The following CST7 variants were observed in gnomAD, a reference collection of about 807,000 sequenced individuals.
The protein encoded by CST7 is cystatin F.
CST7 carries 15 observed loss-of-function variants against 13.1 expected under a neutral mutation model. That is an observed-to-expected ratio of 1.14 (90% CI 0.77 to 1.76). CST7 has a LOEUF of 1.76. Ranked by LOEUF, CST7 falls within the 40% of genes most tolerant of loss-of-function variation. The pLI is 0.00. For synonymous variants in CST7, 75 were observed against 66.9 expected, an observed-to-expected ratio of 1.12 and a Z score of -0.59; for missense variants, 193 against 178.8, an observed-to-expected ratio of 1.08 and a Z score of -0.45.
At chr20:24,949,765 G>A (rs944870569) in intron 1 of CST7, among the ~76,000 whole-genome samples, 190 bp downstream of exon 1, 1 of 152,212 alleles carries the variant, frequency 6.6e-6, no homozygotes, top group African/African-American at 2.4e-5. Context: ...GGGGGTAGCA[G>A]GCTACAGGGA....
At chr20:24,957,839 C>T (rs1170232951) in intron 2 of CST7, among the ~76,000 whole-genome samples, 1 of 152,198 alleles carries the variant, frequency 6.6e-6, no homozygotes, top group East Asian at 1.9e-4. Context: ...CACCCGGCCT[C>T]ACCCCTCACG....
At chr20:24,954,618 T>C (rs767651184) in intron 1 of CST7, among the ~76,000 whole-genome samples, 32 of 152,360 alleles carry the variant, frequency 2.1e-4, no homozygotes, top group South Asian at 8.3e-4. Context: ...TTTAGACAAC[T>C]GTAAGACAGT....
At position 24,949,550 on chromosome 20, in the gene CST7, G is replaced by C; in HGVS notation, c.45G>C (p.Leu15Phe). ...GTLLAFCCLVLSTTGGPSPDT... is the reference protein window; with the variant it reads ...GTLLAFCCLVFSTTGGPSPDT... ...TGCTGGCCTTCTGCTGCCTGGTCTT[G>C]AGCACCACTGGGGGCCCTTCCCCAG... Residue 15 changes from leucine (L) to phenylalanine (F), a missense_variant, in exon 1 of 4, where the codon TTG becomes TTC. Leu to Phe is a conservative substitution (Grantham distance 22). Coordinates refer to ENST00000480798, the MANE Select transcript of CST7 (RefSeq NM_003650.4). 6.2e-7 allele frequency: 1 copy of C among 1,614,128 alleles called. No individual in the cohort carries two copies. Among genetic ancestry groups the C allele is most frequent in the Non-Finnish European group, 8.5e-7 (1 of 1,180,036 alleles).
At position 24,953,470 on chromosome 20, in the gene CST7, T is replaced by C. The variant is rs1028292713; in HGVS notation, c.71-3817T>C. Among the ~76,000 whole-genome samples the C allele has an allele frequency of 7.2e-5, 11 of 152,332 alleles. 1 individual carries two copies. Among genetic ancestry groups the C allele is most frequent in the African/African-American group, 2.4e-4 (10 of 41,574 alleles). ...AAAACATCTTGGGCCAGCAGCAGCC[T>C]GATTCAAGCTTAATTATGAGTATCT... is the stretch of plus-strand genomic sequence containing the variant. On this transcript the variant is annotated intron_variant, in intron 1 of 3. Transcript: ENST00000480798.
At chr20:24,957,519 A>G (rs988625587) in intron 2 of CST7, 60 bp downstream of exon 2, 13 of 1,523,196 alleles carry the variant, frequency 8.5e-6, no homozygotes, top group South Asian at 7.0e-5. Context: ...AGCTGCTACA[A>G]CGCGACACCT....
chr20:24,951,943 G>A (rs564344846), intron 1 of CST7, among the ~76,000 whole-genome samples: 31 of 152,322 alleles, frequency 2.0e-4, no homozygotes, highest in African/African-American at 7.0e-4. Context: ...GGGCCCTGGG[G>A]TCAGGGAGCC....
In CST7 at chr20:24,953,697, A is replaced by T. The variant is rs528695552; in HGVS notation, c.71-3590A>T. 4.6e-5 allele frequency among the ~76,000 whole-genome samples: 7 copies of T among 152,116 alleles called. No individual in the cohort carries two copies. The East Asian group carries it at 1.4e-3, about 30-fold the overall frequency. Reference sequence around the variant, plus strand: ...CACCTCCCCTCCCACCCCGCATTAGAAGCAGTGGTGGGCTGGGGTCAGGCT... The same window carrying T: ...CACCTCCCCTCCCACCCCGCATTAGTAGCAGTGGTGGGCTGGGGTCAGGCT... On this transcript the variant is annotated intron_variant, in intron 1 of 3. Transcript: ENST00000480798.
rs779043652 is a variant in CST7, at chr20:24,949,433, C to T, written c.-73C>T. 6.2e-7 allele frequency: 1 copy of T among 1,612,440 alleles called. No individual in the cohort carries two copies. Among genetic ancestry groups the T allele is most frequent in the Admixed American group, 1.7e-5 (1 of 59,888 alleles). ...CACGGGCACCAACCACTGCCTCCAA[C>T]TGCCCCATGCTGCCTGAGAAGGCAC... On this transcript the variant is annotated 5_prime_UTR_variant, in exon 1 of 4. Coordinates refer to ENST00000480798, the MANE Select transcript of CST7 (RefSeq NM_003650.4).
chr20:24,957,230 C>G (rs2087864100), intron 1 of CST7, 57 bp from the exon 2 acceptor site: 1 of 1,562,394 alleles, frequency 6.4e-7, no homozygotes, highest in Admixed American at 1.8e-5. Flanking sequence ...GGCGTGACAC[C>G]TGGACTGAAG....
chr20:24,949,511 A>C lies in CST7; in HGVS notation c.6A>C (p.Arg2=). The change falls in exon 1 of 4, where the codon CGA becomes CGC. Residue 2 remains arginine (R), a synonymous_variant. Coordinates refer to ENST00000480798, the MANE Select transcript of CST7 (RefSeq NM_003650.4). M[R]AAGTLLAFCC... is the part of the protein sequence containing the mutation. Reference sequence around the variant, plus strand: ...CTGTCCCTACCCGGGCAGCCATGCGAGCGGCTGGAACTCTGCTGGCCTTCT... The same window carrying C: ...CTGTCCCTACCCGGGCAGCCATGCGCGCGGCTGGAACTCTGCTGGCCTTCT... The C allele has an allele frequency of 6.2e-7, 1 of 1,614,082 alleles. No homozygotes were observed.
Position 24,949,407 on chromosome 20 carries a change from G to T in CST7, c.-99G>T, listed in dbSNP as rs762128527. 1.2e-6 allele frequency: 2 copies of T among 1,605,932 alleles called. No homozygotes were observed. The highest frequency in any genetic ancestry group is 1.7e-6 in the Non-Finnish European group (2 of 1,175,348). Reference sequence around the variant, plus strand: ...TGCGCCATCTACCCAAGAAGGCTCGGCACGGGCACCAACCACTGCCTCCAA... The same window carrying T: ...TGCGCCATCTACCCAAGAAGGCTCGTCACGGGCACCAACCACTGCCTCCAA... On this transcript the variant is annotated 5_prime_UTR_variant, in exon 1 of 4. Transcript: ENST00000480798.
At chr20:24,952,068 G>T (rs76192546) in intron 1 of CST7, among the ~76,000 whole-genome samples, 1 of 152,244 alleles carries the variant, frequency 6.6e-6, no homozygotes, top group Non-Finnish European at 1.5e-5. Flanking sequence ...GCCGCAGGCT[G>T]AGCCACCGTC....
chr20:24,957,516 A>G, intron 2 of CST7, 57 bp downstream of exon 2: 14 of 1,523,482 alleles, frequency 9.2e-6, no homozygotes, highest in Non-Finnish European at 1.3e-5. Flanking sequence ...CCGAGCTGCT[A>G]CAACGCGACA....
At chr20:24,956,998 T>TAA in intron 1 of CST7, among the ~76,000 whole-genome samples, 1 of 2,086 alleles carries the variant, frequency 4.8e-4, no homozygotes, top group Non-Finnish European at 8.8e-4. Flanking sequence ...GGGGGACAGG[T>TAA]GAGGGGGCAG....
At chr20:24,957,201 G>A in intron 1 of CST7, 86 bp from the exon 2 acceptor site, 1 of 1,381,156 alleles carries the variant, frequency 7.2e-7, no homozygotes, top group South Asian at 1.3e-5. Flanking sequence ...GCAGAGAACT[G>A]AGCATCACAG....
At chr20:24,950,890 C>G (rs539902794) in intron 1 of CST7, among the ~76,000 whole-genome samples, 1 of 152,294 alleles carries the variant, frequency 6.6e-6, no homozygotes, top group South Asian at 2.1e-4. Flanking sequence ...AGAAGTGGCT[C>G]GTTCTCACAC....
At chr20:24,956,136 C>T (rs2087852557) in intron 1 of CST7, among the ~76,000 whole-genome samples, 1 of 152,212 alleles carries the variant, frequency 6.6e-6, no homozygotes, top group Non-Finnish European at 1.5e-5. Flanking sequence ...CCCGGCGCTG[C>T]ACCACCCAGC....
intron 1 of CST7, among the ~76,000 whole-genome samples, chr20:24,952,044 G>A (rs1288897343): frequency 1.3e-5 from 2 of 152,194 alleles, no homozygotes; most frequent in Admixed American, 1.3e-4. Context: ...GCCTCCTGGG[G>A]AGCACTGGGA....
At chr20:24,956,140 AC>A (rs1350131411) in intron 1 of CST7, among the ~76,000 whole-genome samples, 1 of 152,042 alleles carries the variant, frequency 6.6e-6, no homozygotes, top group African/African-American at 2.4e-5. Context: ...GCGCTGCACC[AC>A]CCAGCCTGGG....
Sources: allele counts gnomAD v4.1 joint callset (sites outside exome capture counted in the v4.1 genomes callset), GRCh38; gene constraint gnomAD v4.1.1; transcripts MANE v1.5; gene names NCBI Gene and HGNC (gene_info 2026-07-23, HGNC 2026-07-21).